MAP2K6: variants seen among roughly 807,000 people sequenced by gnomAD.
The protein encoded by MAP2K6 is mitogen-activated protein kinase kinase 6, also known as dual specificity mitogen-activated protein kinase kinase 6.
A neutral mutation model predicts 53.7 loss-of-function variants in MAP2K6; 16 were observed. The observed-to-expected ratio is 0.30, with a 90% CI of 0.20 to 0.45. The LOEUF is 0.45. Among genes scored for constraint, MAP2K6 ranks in the 20% least tolerant of loss-of-function variants. The pLI is 1.00. For synonymous variants in MAP2K6, 132 were observed against 143.1 expected, an observed-to-expected ratio of 0.92 and a Z score of 0.55; for missense variants, 204 against 411.9, an observed-to-expected ratio of 0.50 and a Z score of 4.37.
At chr17:69,503,752 A>G (rs748962799) in intron 1 of MAP2K6, among the ~76,000 whole-genome samples, 13 of 152,208 alleles carry the variant, frequency 8.5e-5, no homozygotes, top group Non-Finnish European at 1.5e-4. Flanking sequence ...TTGTTTCCCT[A>G]AATGAATCTA....
intron 1 of MAP2K6, among the ~76,000 whole-genome samples, chr17:69,439,649 C>T (rs554718930): frequency 6.6e-6 from 1 of 152,310 alleles, no homozygotes; most frequent in South Asian, 2.1e-4. Flanking sequence ...CTGATGTTAT[C>T]TTTGCTCTCT....
Position 69,520,284 on chromosome 17 carries a change from C to G in MAP2K6, c.381C>G (p.Ile127Met). Residue 127 changes from isoleucine (I) to methionine (M), a missense_variant, in exon 6 of 12, where the codon ATC (isoleucine) becomes ATG (methionine). Ile to Met is a conservative substitution (Grantham distance 10, BLOSUM62 1). Coordinates refer to ENST00000590474, the MANE Select transcript of MAP2K6 (RefSeq NM_002758.4). ...TTGGTCTCCAGGGTGATGTGTGGATCTGCATGGAGCTCATGGATACATCAC... is the reference window on the plus strand; with the variant it reads ...TTGGTCTCCAGGGTGATGTGTGGATGTGCATGGAGCTCATGGATACATCAC... Reference protein sequence around the residue: ...GALFREGDVWICMELMDTSLD... With the variant: ...GALFREGDVWMCMELMDTSLD... The G allele has an allele frequency of 6.3e-7, 1 of 1,595,456 alleles. No individual in the cohort carries two copies. Among genetic ancestry groups the G allele is most frequent in the Non-Finnish European group, 8.6e-7 (1 of 1,167,846 alleles).
chr17:69,508,251 G>T (rs1909632653), intron 2 of MAP2K6, among the ~76,000 whole-genome samples: 1 of 150,962 alleles, frequency 6.6e-6, no homozygotes, highest in South Asian at 2.1e-4. Context: ...TAGAGACGGG[G>T]TTTCACCATA....
At chr17:69,531,061 T>C (rs931863907) in intron 10 of MAP2K6, among the ~76,000 whole-genome samples, 3 of 152,172 alleles carry the variant, frequency 2.0e-5, no homozygotes, top group African/African-American at 7.2e-5. Context: ...AGGACCTTTT[T>C]TTTTTTCGTG....
chr17:69,491,159 T>G (rs1455561937), intron 1 of MAP2K6, among the ~76,000 whole-genome samples: 1 of 142,216 alleles, frequency 7.0e-6, no homozygotes. Flanking sequence ...TTCCTTCTTT[T>G]TTTTGACGGA....
At chr17:69,449,932 T>G (rs1907154178) in intron 1 of MAP2K6, among the ~76,000 whole-genome samples, 1 of 148,060 alleles carries the variant, frequency 6.8e-6, no homozygotes, top group Middle Eastern at 3.8e-3. Flanking sequence ...CTTTCTCTCT[T>G]TCTTTCTTTA....
intron 1 of MAP2K6, among the ~76,000 whole-genome samples, chr17:69,467,572 G>C (rs1347605890): frequency 1.3e-5 from 2 of 152,170 alleles, no homozygotes; most frequent in East Asian, 3.9e-4. Flanking sequence ...CATTTTCACT[G>C]TTGCTAGGTT....
At chr17:69,492,714 T>C (rs1452530908) in intron 1 of MAP2K6, among the ~76,000 whole-genome samples, 1 of 152,202 alleles carries the variant, frequency 6.6e-6, no homozygotes, top group Admixed American at 6.5e-5. Flanking sequence ...CTACTCTCCC[T>C]CTGCCCCTCT....
At chr17:69,500,739 G>A (rs1488313492) in intron 1 of MAP2K6, among the ~76,000 whole-genome samples, 1 of 147,558 alleles carries the variant, frequency 6.8e-6, no homozygotes, top group Non-Finnish European at 1.5e-5. Flanking sequence ...CTGGGTGACA[G>A]AGCAAGATTC....
At chr17:69,460,999 A>G (rs1907607181) in intron 1 of MAP2K6, among the ~76,000 whole-genome samples, 1 of 152,318 alleles carries the variant, frequency 6.6e-6, no homozygotes, top group African/African-American at 2.4e-5. Context: ...AGACAGAATC[A>G]ACCTTTGATC....
intron 1 of MAP2K6, among the ~76,000 whole-genome samples, chr17:69,427,436 AT>A (rs1474580298): frequency 1.3e-5 from 2 of 152,256 alleles, no homozygotes; most frequent in African/African-American, 4.8e-5. Flanking sequence ...AAAAAGGAAG[AT>A]AAAAATACAG....
rs1439883321 is a variant in MAP2K6, at chr17:69,550,289, C to T, written c.*8536C>T. The T allele has an allele frequency of 6.6e-6, 1 of 152,194 alleles. No homozygotes were observed. Among genetic ancestry groups the T allele is most frequent in the African/African-American group, 2.4e-5 (1 of 41,456 alleles). The allele number at this position is 152,194 out of a possible 1,614,324, so 9.4% of individuals were successfully genotyped here. On this transcript the variant is annotated 3_prime_UTR_variant, in exon 12 of 12. Coordinates refer to ENST00000590474, the MANE Select transcript of MAP2K6 (RefSeq NM_002758.4). Reference sequence around the variant, plus strand: ...TAAAGCATTTTGAGAATATACCCCTCATCCATCAGCCACCTCTGGGTAAAG... The same window carrying T: ...TAAAGCATTTTGAGAATATACCCCTTATCCATCAGCCACCTCTGGGTAAAG...
At chr17:69,435,342 C>T (rs563456741) in intron 1 of MAP2K6, 5 of 152,160 alleles carry the variant, frequency 3.3e-5, no homozygotes, top group African/African-American at 1.2e-4. Context: ...CGAGACCAAC[C>T]TGGCCAATAT....
chr17:69,527,837 T>C (rs761132486), intron 10 of MAP2K6, among the ~76,000 whole-genome samples: 21 of 152,038 alleles, frequency 1.4e-4, no homozygotes, highest in Non-Finnish European at 2.6e-4. Flanking sequence ...AGAAGTGCTG[T>C]GAGGCAGGGC....
chr17:69,419,149 A>G (rs1241718025), intron 1 of MAP2K6, among the ~76,000 whole-genome samples: 1 of 152,242 alleles, frequency 6.6e-6, no homozygotes, highest in Non-Finnish European at 1.5e-5. Flanking sequence ...TTTAATTTGT[A>G]AGAATGTAGC....
At chr17:69,453,829 G>C (rs1193998885) in intron 1 of MAP2K6, among the ~76,000 whole-genome samples, 1 of 152,178 alleles carries the variant, frequency 6.6e-6, no homozygotes, top group African/African-American at 2.4e-5. Flanking sequence ...TGCCCAGGCT[G>C]AGTTTGGAAC....
intron 1 of MAP2K6, among the ~76,000 whole-genome samples, chr17:69,500,513 T>G (rs537587402): frequency 1.8e-4 from 26 of 147,646 alleles, no homozygotes; most frequent in African/African-American, 5.5e-4. Context: ...TCCCAGCACT[T>G]TGGGAGGCTG....
intron 1 of MAP2K6, among the ~76,000 whole-genome samples, chr17:69,419,693 G>A (rs1055268483): frequency 1.3e-5 from 2 of 152,060 alleles, no homozygotes; most frequent in Non-Finnish European, 2.9e-5. Context: ...TTGGGAGGCC[G>A]AGGCAAGTGG....
At chr17:69,467,526 G>C (rs1489487087) in intron 1 of MAP2K6, among the ~76,000 whole-genome samples, 1 of 152,114 alleles carries the variant, frequency 6.6e-6, no homozygotes, top group Non-Finnish European at 1.5e-5. Flanking sequence ...TATTGATTGG[G>C]TTTTCTAGAG....
Sources: allele counts gnomAD v4.1 joint callset (sites outside exome capture counted in the v4.1 genomes callset), GRCh38; gene constraint gnomAD v4.1.1; transcripts MANE v1.5; gene names NCBI Gene and HGNC (gene_info 2026-07-23, HGNC 2026-07-21).